Variants in DNAI7 observed in about 807,000 individuals in gnomAD.
DNAI7 encodes the protein dynein axonemal intermediate chain 7, also known as cancer susceptibility 1.
A neutral mutation model predicts 86.6 loss-of-function variants in DNAI7; 78 were observed. That is an observed-to-expected ratio of 0.90 (90% CI 0.75 to 1.09). The LOEUF is 1.09. DNAI7 is among the 50% of genes least tolerant of loss of function. The probability of loss-of-function intolerance (pLI) is 0.00; values close to 1 mark genes in which losing one functional copy is unlikely to be tolerated. For missense variants in DNAI7, 753 were observed against 810.2 expected, an observed-to-expected ratio of 0.93 and a Z score of 0.86; for synonymous variants, 274 against 273.0, an observed-to-expected ratio of 1.00 and a Z score of -0.04.
In DNAI7 at chr12:25,144,579, T is replaced by C. The variant is rs753418563; in HGVS notation, c.788A>G (p.Tyr263Cys). 1 of 1,614,122 alleles carries C rather than the reference T, an allele frequency of 6.2e-7. No individual in the cohort carries two copies. Among genetic ancestry groups the C allele is most frequent in the Non-Finnish European group, 8.5e-7 (1 of 1,179,978 alleles). Reference sequence around the variant, plus strand: ...AGGGTGCAGTGCAGAAACATGATCATAGTGGGTATGCAGGAGTCGTACAGC... The same window carrying C: ...AGGGTGCAGTGCAGAAACATGATCACAGTGGGTATGCAGGAGTCGTACAGC... ...DIAVRLLHTH[Y>C]DHVSALHPVS... The change falls in exon 9 of 16, where the codon TAT (tyrosine) becomes TGT (cysteine). Residue 263 changes from tyrosine (Y) to cysteine (C), a missense_variant. Tyr to Cys is a radical substitution (Grantham distance 194). Coordinates refer to ENST00000395987, the MANE Select transcript of DNAI7 (RefSeq NM_018272.5).
chr12:25,111,706 T>C, intron 14 of DNAI7, 66 bp downstream of exon 14: 1 of 951,730 alleles, frequency 1.1e-6, no homozygotes, highest in Non-Finnish European at 1.5e-6. Context: ...TTAAATTATA[T>C]AACATTTAAT....
chr12:25,168,243 A>G (rs1409848612), intron 2 of DNAI7, among the ~76,000 whole-genome samples: 1 of 152,102 alleles, frequency 6.6e-6, no homozygotes. Context: ...TCCTCTACCT[A>G]CATGTGTCTA....
intron 9 of DNAI7, among the ~76,000 whole-genome samples, chr12:25,130,276 G>A (rs1012005777): frequency 4.6e-5 from 7 of 151,952 alleles, no homozygotes; most frequent in African/African-American, 7.3e-5. Flanking sequence ...GGTGGCTCAC[G>A]CCTGTAATCC....
intron 2 of DNAI7, among the ~76,000 whole-genome samples, chr12:25,178,543 A>T (rs1949189670): frequency 6.6e-6 from 1 of 152,178 alleles, no homozygotes; most frequent in African/African-American, 2.4e-5. Flanking sequence ...TTTATTTAAT[A>T]AATACTGAGA....
intron 12 of DNAI7, 51 bp downstream of exon 12, chr12:25,119,094 A>T (rs375207063): frequency 3.4e-6 from 5 of 1,458,748 alleles, no homozygotes; most frequent in Non-Finnish European, 4.6e-6. Flanking sequence ...TTTCAACTTA[A>T]GGGTTTTTAT....
Position 25,144,586 on chromosome 12 carries a change from T to A in DNAI7, c.781A>T (p.Thr261Ser), listed in dbSNP as rs185039819. ...AGTGCAGAAACATGATCATAGTGGG[T>A]ATGCAGGAGTCGTACAGCAATGTCA... ...TSDIAVRLLH[T>S]HYDHVSALHP... Residue 261 changes from threonine to serine, a missense_variant, in exon 9 of 16, where the codon ACC (threonine) becomes TCC (serine). Coordinates refer to ENST00000395987, the MANE Select transcript of DNAI7 (RefSeq NM_018272.5). The A allele has an allele frequency of 1.9e-6, 3 of 1,614,040 alleles. No homozygotes were observed. Among genetic ancestry groups the A allele is most frequent in the Admixed American group, 3.3e-5 (2 of 60,018 alleles).
chr12:25,183,390 C>T (rs1949743245), intron 2 of DNAI7, among the ~76,000 whole-genome samples: 1 of 151,858 alleles, frequency 6.6e-6, no homozygotes, highest in Admixed American at 6.6e-5. Flanking sequence ...GGGATTTGGG[C>T]TTCTGCTGAA....
Position 25,149,788 on chromosome 12 carries a change from G to T in DNAI7, c.439-14C>A. 2 of 1,424,658 alleles carry T rather than the reference G, an allele frequency of 1.4e-6. No individual in the cohort carries two copies. The highest frequency in any genetic ancestry group is 1.4e-5 in the African/African-American group (1 of 70,366). The allele number at this position is 1,424,658 out of a possible 1,614,324, so 88.3% of individuals were successfully genotyped here. A position where few individuals can be genotyped will look rare whatever the true frequency, so the allele number is the denominator to read the frequency against. ...TTTCTCAATTAACTGTAAAGTAAAAGAATATTTGCATTAATTCTCAGAGAA... is the reference window on the plus strand; with the variant it reads ...TTTCTCAATTAACTGTAAAGTAAAATAATATTTGCATTAATTCTCAGAGAA... On this transcript the variant is annotated splice_polypyrimidine_tract_variant and intron_variant, in intron 6 of 15. Coordinates refer to ENST00000395987, the MANE Select transcript of DNAI7 (RefSeq NM_018272.5).
intron 13 of DNAI7, among the ~76,000 whole-genome samples, chr12:25,112,374 T>C (rs1045528159): frequency 6.6e-6 from 1 of 151,670 alleles, no homozygotes; most frequent in Non-Finnish European, 1.5e-5. Context: ...AGTGACAGTT[T>C]GAAGGTGTAT....
chr12:25,166,508 G>C (rs1451402082), intron 2 of DNAI7, among the ~76,000 whole-genome samples: 1 of 152,096 alleles, frequency 6.6e-6, no homozygotes, highest in African/African-American at 2.4e-5. Context: ...CTATACTGCC[G>C]CAAAGCTTCA....
At chr12:25,169,848 A>C (rs541664432) in intron 2 of DNAI7, among the ~76,000 whole-genome samples, 8 of 110,830 alleles carry the variant, frequency 7.2e-5, no homozygotes, top group African/African-American at 5.7e-4. Flanking sequence ...ACTCTGTCTC[A>C]AAAAAAAAAA....
At chr12:25,166,613 T>C (rs1947500895) in intron 2 of DNAI7, among the ~76,000 whole-genome samples, 1 of 152,160 alleles carries the variant, frequency 6.6e-6, no homozygotes. Context: ...CTCTCCCTGC[T>C]GATCGTGTCC....
intron 12 of DNAI7, among the ~76,000 whole-genome samples, chr12:25,116,512 T>A (rs934598551): frequency 2.7e-5 from 2 of 73,290 alleles, no homozygotes; most frequent in Admixed American, 3.7e-4. Context: ...TGTGAATAAT[T>A]TTTTTTTTCA....
At chr12:25,140,454 A>AAAAT (rs751958581) in intron 9 of DNAI7, among the ~76,000 whole-genome samples, 189 of 152,104 alleles carry the variant, frequency 1.2e-3, no homozygotes, top group East Asian at 3.7e-3. Flanking sequence ...AGTAGTTGCA[A>AAAAT]AAATAAATAA....
chr12:25,152,922 G>A (rs1945727021), intron 6 of DNAI7, among the ~76,000 whole-genome samples: 1 of 152,222 alleles, frequency 6.6e-6, no homozygotes, highest in Non-Finnish European at 1.5e-5. Context: ...CTTCCTGAAT[G>A]TGAGGATTCA....
chr12:25,113,327 A>G (rs1939365901), intron 13 of DNAI7, among the ~76,000 whole-genome samples: 1 of 151,558 alleles, frequency 6.6e-6, no homozygotes, highest in Non-Finnish European at 1.5e-5. Flanking sequence ...TTTGAGATGG[A>G]GTCTTGCTCT....
chr12:25,107,352 A>G (rs1949252192), downstream of DNAI7, among the ~76,000 whole-genome samples: 1 of 152,158 alleles, frequency 6.6e-6, no homozygotes, highest in Non-Finnish European at 1.5e-5. Flanking sequence ...TATCCATAGG[A>G]AAAAAACAGT....
intron 9 of DNAI7, among the ~76,000 whole-genome samples, chr12:25,138,142 A>T (rs935711986): frequency 1.3e-5 from 2 of 152,234 alleles, no homozygotes; most frequent in Admixed American, 1.3e-4. Flanking sequence ...ATACCATATG[A>T]GAGGACACAA....
At chr12:25,121,965 C>G (rs750496886) in intron 10 of DNAI7, 52 bp from the exon 11 acceptor site, 86 of 1,263,470 alleles carry the variant, frequency 6.8e-5, no homozygotes, top group Non-Finnish European at 8.4e-5. Context: ...TTAGTATGTT[C>G]TTAGGAAAGA....
Sources: allele counts gnomAD v4.1 joint callset (sites outside exome capture counted in the v4.1 genomes callset), GRCh38; gene constraint gnomAD v4.1.1; transcripts MANE v1.5; gene names NCBI Gene and HGNC (gene_info 2026-07-23, HGNC 2026-07-21).